GAB3: variants seen among roughly 807,000 people sequenced by gnomAD.
GAB3 encodes GRB2-associated-binding protein 3.
GAB3 carries 12 observed loss-of-function variants against 40.4 expected under a neutral mutation model. The observed-to-expected ratio is 0.30, with a 90% CI of 0.19 to 0.48. The LOEUF is 0.48. GAB3 is among the 20% of genes least tolerant of loss of function. The pLI is 0.99. For synonymous variants in GAB3, 154 were observed against 176.7 expected, an observed-to-expected ratio of 0.87 and a Z score of 1.02; for missense variants, 381 against 461.9, an observed-to-expected ratio of 0.82 and a Z score of 1.61.
At chrX:154,699,929 T>C in intron 5 of GAB3, 75 bp downstream of exon 5, 1 of 844,880 alleles carries the variant, frequency 1.2e-6, no homozygotes, top group Non-Finnish European at 1.8e-6. Context: ...ATCTTAAAGA[T>C]TTCAAGGGAA....
At chrX:154,734,164 A>C (rs2071333029) in intron 1 of GAB3, among the ~76,000 whole-genome samples, 1 of 112,728 alleles carries the variant, frequency 8.9e-6, no homozygotes, top group African/African-American at 3.2e-5. Context: ...CTTCTTGTGA[A>C]ATAGGAACCA....
At chrX:154,726,099 A>C (rs1260957711) in intron 1 of GAB3, among the ~76,000 whole-genome samples, 2 of 111,924 alleles carry the variant, frequency 1.8e-5, no homozygotes, top group Non-Finnish European at 3.8e-5. Context: ...CTCATAACCA[A>C]AGGAAAAATC....
At chrX:154,680,106 A>G in intron 9 of GAB3, 26 bp downstream of exon 9, 1 of 1,024,526 alleles carries the variant, frequency 9.8e-7, no homozygotes, top group Non-Finnish European at 1.4e-6. Flanking sequence ...TCACCTGGGA[A>G]TTCTTAGACA....
At chrX:154,746,516 C>T (rs1557262069) in intron 1 of GAB3, among the ~76,000 whole-genome samples, 1 of 112,166 alleles carries the variant, frequency 8.9e-6, no homozygotes, top group African/African-American at 3.2e-5. Context: ...GGAAACACAA[C>T]AAAATCCAAC....
At chrX:154,706,481 G>A (rs1263779534) in intron 4 of GAB3, among the ~76,000 whole-genome samples, 3 of 110,262 alleles carry the variant, frequency 2.7e-5, no homozygotes, top group Non-Finnish European at 5.7e-5. Context: ...GCTATCCAAA[G>A]TTATCTACAG....
chrX:154,737,847 G>A (rs904036212), intron 1 of GAB3, among the ~76,000 whole-genome samples: 32 of 111,344 alleles, frequency 2.9e-4, no homozygotes, highest in African/African-American at 9.2e-4. Context: ...AAAATTAGCC[G>A]GGCATGGTGG....
chrX:154,724,224 G>T (rs2071178623), intron 1 of GAB3, among the ~76,000 whole-genome samples: 1 of 109,962 alleles, frequency 9.1e-6, no homozygotes, highest in Non-Finnish European at 1.9e-5. Flanking sequence ...GCACGCACCT[G>T]TAATCCCAAC....
At chrX:154,704,927 G>T (rs933551364) in intron 4 of GAB3, among the ~76,000 whole-genome samples, 10 of 111,521 alleles carry the variant, frequency 9.0e-5, no homozygotes, top group Non-Finnish European at 1.9e-4. Context: ...TGAGTAATGA[G>T]ATTGAATCAA....
chrX:154,734,498 G>A (rs1277712174), intron 1 of GAB3, among the ~76,000 whole-genome samples: 2 of 112,652 alleles, frequency 1.8e-5, no homozygotes, highest in African/African-American at 6.4e-5. Context: ...GGCCTAAGAG[G>A]GAGGATGGGA....
chrX:154,679,344 A>C (rs2070342745), intron 9 of GAB3: 1 of 280,803 alleles, frequency 3.6e-6, no homozygotes, highest in Admixed American at 4.7e-5. Flanking sequence ...TCTGGCCTGC[A>C]ATAAAAGAGC....
At chrX:154,724,342 TTAAATAAATAAATAAATAAA>T (rs782217148) in intron 1 of GAB3, among the ~76,000 whole-genome samples, 3 of 104,779 alleles carry the variant, frequency 2.9e-5, no homozygotes, top group Non-Finnish European at 5.9e-5. Context: ...AGACTTCATC[TTAAATAAATAAATAAATAAA>T]TAAATAAATA....
upstream of GAB3, among the ~76,000 whole-genome samples, chrX:154,751,300 G>C (rs1391156997): frequency 9.8e-6 from 1 of 102,062 alleles, no homozygotes; most frequent in Non-Finnish European, 2.0e-5. Flanking sequence ...GGGGGTGTGG[G>C]GGGGGGAGCC....
chrX:154,684,578 T>G (rs955823752), intron 8 of GAB3, among the ~76,000 whole-genome samples: 2 of 112,046 alleles, frequency 1.8e-5, no homozygotes, highest in African/African-American at 3.2e-5. Context: ...TCTTTTGTAT[T>G]AGTTTTGTTA....
At chrX:154,723,427 A>G (rs1343797137) in intron 1 of GAB3, among the ~76,000 whole-genome samples, 1 of 111,758 alleles carries the variant, frequency 8.9e-6, no homozygotes, top group Non-Finnish European at 1.9e-5. Context: ...AGTATAAATA[A>G]GAGATAAGTA....
At position 154,709,808 on chromosome X, in the gene GAB3, A is replaced by G. The variant is rs140803008; in HGVS notation, c.1069+2421T>C. On this transcript the variant is annotated intron_variant, in intron 4 of 9. Transcript: ENST00000424127. Reference sequence around the variant, plus strand: ...TCATTTGTGACAACATGGGTAAACCAGGATGAGATTATGTTCAGTGAAATG... The same window carrying G: ...TCATTTGTGACAACATGGGTAAACCGGGATGAGATTATGTTCAGTGAAATG... Among the ~76,000 whole-genome samples, 601 of 112,146 alleles carry G rather than the reference A, an allele frequency of 5.4e-3. 6 individuals are homozygous for G. The highest frequency in any genetic ancestry group is 0.052 in the South Asian group (138 of 2,665).
chrX:154,712,200 G>T, intron 4 of GAB3, 29 bp downstream of exon 4: 1 of 1,084,586 alleles, frequency 9.2e-7, no homozygotes. Flanking sequence ...GGTTTTCTTG[G>T]CGCCTGAATC....
intron 1 of GAB3, among the ~76,000 whole-genome samples, chrX:154,746,965 T>C (rs1019392246): frequency 1.8e-5 from 2 of 112,820 alleles, no homozygotes; most frequent in East Asian, 2.7e-4. Flanking sequence ...AATAGATCAA[T>C]GGAACAGACT....
At chrX:154,718,185 C>T (rs781930788) in intron 1 of GAB3, among the ~76,000 whole-genome samples, 1 of 110,431 alleles carries the variant, frequency 9.1e-6, no homozygotes, top group East Asian at 2.9e-4. Context: ...GTATTCTCAG[C>T]TCCCTCCCTG....
At position 154,700,094 on chromosome X, in the gene GAB3, G is replaced by C. The variant is rs369725320; in HGVS notation, c.1070-35C>G. The C allele has an allele frequency of 1.4e-5, 16 of 1,110,926 alleles. No individual in the cohort carries two copies. In the African/African-American group the frequency reaches 2.2e-4, roughly 15 times the overall value. The allele number at this position is 1,110,926 out of a possible 1,213,427, so 91.6% of individuals were successfully genotyped here. On this transcript the variant is annotated intron_variant, in intron 4 of 9. Transcript: ENST00000424127. ...ATAAGCCAAGGTGGTGAGAAATGCA[G>C]AACAATATCAACTGAAACTAGAGTC... is the stretch of plus-strand genomic sequence containing the variant.
Sources: gnomAD v4.1 joint callset for allele counts (sites outside exome capture counted in the v4.1 genomes callset) on GRCh38, gnomAD v4.1.1 for gene constraint, MANE v1.5 for transcripts, NCBI Gene and HGNC (gene_info 2026-07-23, HGNC 2026-07-21) for gene names.